Variants in STK32B observed in about 807,000 individuals in gnomAD.
The protein encoded by STK32B is serine/threonine-protein kinase 32B.
STK32B carries 43 observed loss-of-function variants against 52.6 expected under a neutral mutation model. The ratio of observed to expected loss-of-function variants is 0.82; its 90% CI spans 0.64 to 1.05. STK32B has a LOEUF of 1.05. Among genes scored for constraint, STK32B ranks in the 50% least tolerant of loss-of-function variants. The pLI is 0.00. For synonymous variants in STK32B, 238 were observed against 204.3 expected (o/e 1.17, Z -1.41); for missense variants, 621 against 534.6 (o/e 1.16, Z -1.59).
In STK32B at chr4:5,426,692, C is replaced by CAAAAAAAAAAAA. The variant is rs746246839; in HGVS notation, c.562+9769_562+9780dup. Reference sequence around the variant, plus strand: ...GCAACAGGGCGAGACTCCATCTAAACAAAAAAAAAAAAAAAAAAAAAAGGA... The same window carrying CAAAAAAAAAAAA: ...GCAACAGGGCGAGACTCCATCTAAACAAAAAAAAAAAAAAAAAAAAAAAAAAAAAAAAAAGGA... On this transcript the variant is annotated intron_variant, in intron 6 of 11. Coordinates refer to ENST00000282908, the MANE Select transcript of STK32B (RefSeq NM_018401.3). Among the ~76,000 whole-genome samples, 69 of 77,908 alleles carry CAAAAAAAAAAAA rather than the reference C, an allele frequency of 8.9e-4. 1 individual carries two copies. Among genetic ancestry groups the CAAAAAAAAAAAA allele is most frequent in the Non-Finnish European group, 1.0e-3 (44 of 42,114 alleles). 51.1% of individuals were successfully genotyped at this position (77,908 alleles called of 152,430 possible).
Position 5,139,940 on chromosome 4 carries a change from G to A in STK32B, c.88G>A (p.Gly30Ser). 6.2e-7 allele frequency: 1 copy of A among 1,614,130 alleles called. No homozygotes were observed. The highest frequency in any genetic ancestry group is 8.5e-7 in the Non-Finnish European group (1 of 1,180,022). ...CCATTTTCAGATTCTGCGGGCCATT[G>A]GTAAAGGGAGTTTTGGAAAGGTAAG... ...FDHFQILRAI[G>S]KGSFGKVCIV... Residue 30 changes from glycine (G) to serine (S), a missense_variant, in exon 2 of 12, where the codon GGT becomes AGT. By Grantham distance (56) the Gly-to-Ser change is moderately conservative. Transcript: ENST00000282908.
At chr4:5,372,206 G>C (rs532893966) in intron 4 of STK32B, among the ~76,000 whole-genome samples, 114 of 152,364 alleles carry the variant, frequency 7.5e-4, no homozygotes, top group African/African-American at 2.6e-3. Flanking sequence ...ACCGTGGCAA[G>C]CAGCAACAGA....
intron 1 of STK32B, among the ~76,000 whole-genome samples, chr4:5,117,197 G>C (rs1340657618): frequency 1.3e-5 from 2 of 152,218 alleles, no homozygotes. Context: ...TGGTGAGAGT[G>C]AGCATCCCTG....
intron 11 of STK32B, among the ~76,000 whole-genome samples, chr4:5,496,710 C>T (rs1440413696): frequency 6.6e-6 from 1 of 151,986 alleles, no homozygotes; most frequent in African/African-American, 2.4e-5. Flanking sequence ...GGCCCATTTT[C>T]CTGGTCTTAA....
chr4:5,480,333 A>G (rs1051272708), intron 11 of STK32B, among the ~76,000 whole-genome samples: 2 of 152,230 alleles, frequency 1.3e-5, no homozygotes, highest in Non-Finnish European at 2.9e-5. Flanking sequence ...TATGTGCCCA[A>G]GGTGGTCGGG....
At position 5,169,793 on chromosome 4, in the gene STK32B, A is replaced by C. The variant is rs557787580; in HGVS notation, c.260+1343A>C. On this transcript the variant is annotated intron_variant, in intron 3 of 11. Coordinates refer to ENST00000282908, the MANE Select transcript of STK32B (RefSeq NM_018401.3). Reference sequence around the variant, plus strand: ...CCGAACAGCAATATGTGTTCTTGGCAAAATATAGAAAATAAAATACGTCAG... The same window carrying C: ...CCGAACAGCAATATGTGTTCTTGGCCAAATATAGAAAATAAAATACGTCAG... Among the ~76,000 whole-genome samples, 926 of 152,366 alleles carry C rather than the reference A, an allele frequency of 6.1e-3. 36 individuals carry two copies. Among genetic ancestry groups the C allele is most frequent in the Admixed American group, 0.056 (853 of 15,302 alleles).
chr4:5,133,011 C>G (rs921564517), intron 1 of STK32B, among the ~76,000 whole-genome samples: 3 of 152,190 alleles, frequency 2.0e-5, no homozygotes, highest in Non-Finnish European at 4.4e-5. Flanking sequence ...GTTGGCTAGG[C>G]TGGCTGGAAC....
chr4:5,427,391 G>A (rs1713195907), intron 6 of STK32B, among the ~76,000 whole-genome samples: 1 of 152,128 alleles, frequency 6.6e-6, no homozygotes, highest in Admixed American at 6.5e-5. Flanking sequence ...TGGTATTAGA[G>A]TAATGCTGGC....
intron 1 of STK32B, among the ~76,000 whole-genome samples, chr4:5,080,535 A>G (rs1251310885): frequency 6.6e-6 from 1 of 152,032 alleles, no homozygotes; most frequent in African/African-American, 2.4e-5. Context: ...TTTCGCTCTT[A>G]CTGATATTTC....
At chr4:5,261,733 G>T (rs936182501) in intron 3 of STK32B, among the ~76,000 whole-genome samples, 9 of 152,132 alleles carry the variant, frequency 5.9e-5, no homozygotes, top group Non-Finnish European at 1.3e-4. Context: ...CAGAAAGGTA[G>T]TTGTTATTAT....
intron 3 of STK32B, among the ~76,000 whole-genome samples, chr4:5,196,334 G>GTT (rs35605834): frequency 0.085 from 7,385 of 86,674 alleles, 321 homozygotes; most frequent in East Asian, 0.16. Context: ...TCTTTCTTCA[G>GTT]TTTTTTTTTT....
At chr4:5,457,946 AGG>A (rs1716705986) in intron 8 of STK32B, among the ~76,000 whole-genome samples, 1 of 141,982 alleles carries the variant, frequency 7.0e-6, no homozygotes, top group Admixed American at 7.1e-5. Flanking sequence ...GAGGGAAGGA[AGG>A]AAGGAAGGAA....
chr4:5,471,873 A>G (rs752670663), intron 11 of STK32B, among the ~76,000 whole-genome samples: 1 of 152,108 alleles, frequency 6.6e-6, no homozygotes, highest in African/African-American at 2.4e-5. Context: ...CCTACATTCA[A>G]TGTGTCTTGA....
At chr4:5,168,494 G>A in intron 3 of STK32B, 44 bp downstream of exon 3, 1 of 1,564,710 alleles carries the variant, frequency 6.4e-7, no homozygotes, top group Non-Finnish European at 8.7e-7. Context: ...TCCCCTGTGG[G>A]GAGCCAAATG....
intron 2 of STK32B, among the ~76,000 whole-genome samples, chr4:5,149,332 A>G (rs983958955): frequency 1.3e-5 from 2 of 151,878 alleles, no homozygotes; most frequent in African/African-American, 4.8e-5. Context: ...GTTCATGCAC[A>G]GCTCATGTAA....
the STK32B span, among the ~76,000 whole-genome samples, chr4:5,023,509 A>C: frequency 4.6e-3 from 695 of 152,250 alleles, 5 homozygotes; most frequent in African/African-American, 0.016. Flanking sequence ...GGTGGAGATG[A>C]GATGCGATGA....
chr4:5,406,431 G>A (rs2109057046), intron 5 of STK32B, among the ~76,000 whole-genome samples: 1 of 152,208 alleles, frequency 6.6e-6, no homozygotes, highest in South Asian at 2.1e-4. Context: ...GCCCCAGTGG[G>A]GACTTTCTGT....
At chr4:5,140,072 T>G in intron 2 of STK32B, 112 bp downstream of exon 2, 4 of 1,488,738 alleles carry the variant, frequency 2.7e-6, no homozygotes, top group Non-Finnish European at 2.8e-6. Context: ...AGATTTCGAC[T>G]TGACAAACTT....
chr4:5,125,173 C>T (rs1259006624), intron 1 of STK32B, among the ~76,000 whole-genome samples: 1 of 151,772 alleles, frequency 6.6e-6, no homozygotes, highest in African/African-American at 2.4e-5. Context: ...GATTCTTCCC[C>T]AGATGTCCAA....
Sources: allele counts gnomAD v4.1 joint callset (sites outside exome capture counted in the v4.1 genomes callset), GRCh38; gene constraint gnomAD v4.1.1; transcripts MANE v1.5; gene names NCBI Gene and HGNC (gene_info 2026-07-23, HGNC 2026-07-21).